Variants in ERBB4 observed in about 807,000 individuals in gnomAD.
ERBB4 encodes the protein receptor tyrosine-protein kinase erbB-4.
A neutral mutation model predicts 158.0 loss-of-function variants in ERBB4; 42 were observed. That is an observed-to-expected ratio of 0.27 (90% confidence interval 0.21 to 0.34). The LOEUF (loss-of-function observed/expected upper bound fraction) is 0.34, where lower values mean the gene tolerates loss of function less well. Ranked by LOEUF, ERBB4 falls within the 10% of genes least tolerant of loss-of-function variation. ERBB4 has a pLI of 1.00. For missense variants in ERBB4, 1,333 were observed against 1,624.1 expected (o/e 0.82, Z 3.08); for synonymous variants, 583 against 558.7 (o/e 1.04, Z -0.61).
chr2:211,940,982 G>A (rs1257774446), intron 3 of ERBB4, among the ~76,000 whole-genome samples: 1 of 151,944 alleles, frequency 6.6e-6, no homozygotes, highest in African/African-American at 2.4e-5. Flanking sequence ...TCCTCTTTTC[G>A]AATATATGTT....
At chr2:212,051,380 A>T (rs2077394456) in intron 2 of ERBB4, among the ~76,000 whole-genome samples, 1 of 152,136 alleles carries the variant, frequency 6.6e-6, no homozygotes, top group African/African-American at 2.4e-5. Context: ...GGAAATTGTT[A>T]TCATTTGAGA....
chr2:211,938,676 T>C (rs2080398194), intron 3 of ERBB4, among the ~76,000 whole-genome samples: 2 of 151,988 alleles, frequency 1.3e-5, no homozygotes, highest in African/African-American at 4.8e-5. Context: ...TGCTTGACTA[T>C]AAAAATAATA....
intron 1 of ERBB4, among the ~76,000 whole-genome samples, chr2:212,298,909 T>C (rs572358137): frequency 1.3e-5 from 2 of 151,808 alleles, no homozygotes; most frequent in African/African-American, 4.8e-5. Context: ...GTCATTTTCT[T>C]CATCTGGAAA....
intron 25 of ERBB4, among the ~76,000 whole-genome samples, chr2:211,409,580 T>A (rs1416511522): frequency 6.6e-6 from 1 of 152,204 alleles, no homozygotes; most frequent in African/African-American, 2.4e-5. Flanking sequence ...TAACTCTTGA[T>A]TACAGGGAGT....
chr2:211,844,522 C>G (rs2077547492), intron 3 of ERBB4, among the ~76,000 whole-genome samples: 2 of 152,124 alleles, frequency 1.3e-5, no homozygotes, highest in Admixed American at 1.3e-4. Context: ...TGATTGCTAA[C>G]CTAGTGGTCT....
chr2:212,280,836 G>T (rs2085730188), intron 1 of ERBB4, among the ~76,000 whole-genome samples: 1 of 151,630 alleles, frequency 6.6e-6, no homozygotes, highest in African/African-American at 2.4e-5. Flanking sequence ...GGACCCTAGA[G>T]ATGTTCTCAC....
intron 3 of ERBB4, among the ~76,000 whole-genome samples, chr2:211,876,041 A>C (rs1224771671): frequency 2.6e-5 from 4 of 152,190 alleles, no homozygotes; most frequent in Non-Finnish European, 2.9e-5. Context: ...CCATTAAGCA[A>C]CACATGACTG....
At chr2:212,526,087 T>C (rs1038682890) in intron 1 of ERBB4, among the ~76,000 whole-genome samples, 1 of 152,050 alleles carries the variant, frequency 6.6e-6, no homozygotes, top group Non-Finnish European at 1.5e-5. Flanking sequence ...GTAAGAAATA[T>C]GTTACTTATA....
intron 20 of ERBB4, among the ~76,000 whole-genome samples, chr2:211,557,029 T>A (rs2067253483): frequency 2.0e-5 from 3 of 152,282 alleles, no homozygotes; most frequent in African/African-American, 7.2e-5. Context: ...TCCTATTTAA[T>A]AAATGGGGCT....
At chr2:212,513,025 A>T (rs1291841985) in intron 1 of ERBB4, among the ~76,000 whole-genome samples, 1 of 152,112 alleles carries the variant, frequency 6.6e-6, no homozygotes, top group Non-Finnish European at 1.5e-5. Context: ...CTCTTCATCT[A>T]ATTCTTATCA....
chr2:211,934,129 G>T (rs896501147), intron 3 of ERBB4, among the ~76,000 whole-genome samples: 7 of 151,834 alleles, frequency 4.6e-5, no homozygotes, highest in Non-Finnish European at 8.8e-5. Flanking sequence ...AAAGGGAATT[G>T]AGTCTAATAA....
chr2:212,132,910 G>A (rs553794800), intron 1 of ERBB4, among the ~76,000 whole-genome samples: 3 of 152,042 alleles, frequency 2.0e-5, no homozygotes, highest in South Asian at 2.1e-4. Context: ...CCTTGTTAAC[G>A]TGGCACACAT....
rs1395110530 is a variant in ERBB4 at position 211,378,569 on chromosome 2, C to A, written c.*5046G>T. Reference sequence around the variant, plus strand: ...GCCCACAACAGCTTCTTGTTTCCAACTGCAGAGAGAACTCAGATCTCTGGG... The same window carrying A: ...GCCCACAACAGCTTCTTGTTTCCAAATGCAGAGAGAACTCAGATCTCTGGG... On this transcript the variant is annotated 3_prime_UTR_variant, in exon 28 of 28. Coordinates refer to ENST00000342788, the MANE Select transcript of ERBB4 (RefSeq NM_005235.3). 8.6e-6 allele frequency: 2 copies of A among 232,742 alleles called. No individual in the cohort carries two copies. Among genetic ancestry groups the A allele is most frequent in the Non-Finnish European group, 1.7e-5 (2 of 117,456 alleles). The allele number at this position is 232,742 out of a possible 1,614,324, so 14.4% of individuals were successfully genotyped here.
chr2:212,174,360 T>C (rs2081600849), intron 1 of ERBB4, among the ~76,000 whole-genome samples: 1 of 152,108 alleles, frequency 6.6e-6, no homozygotes, highest in African/African-American at 2.4e-5. Flanking sequence ...AAATTCCTCT[T>C]ACAATCAACA....
At chr2:211,696,085 T>A (rs1327361001) in intron 12 of ERBB4, among the ~76,000 whole-genome samples, 6 of 125,818 alleles carry the variant, frequency 4.8e-5, no homozygotes, top group African/African-American at 1.2e-4. Context: ...TTCCTTCCTT[T>A]CTTCCTCTCT....
intron 12 of ERBB4, among the ~76,000 whole-genome samples, chr2:211,691,711 T>A (rs1024123140): frequency 1.3e-5 from 2 of 151,516 alleles, no homozygotes; most frequent in Admixed American, 1.3e-4. Flanking sequence ...AAAGCTGAAA[T>A]AAGAAGGGTA....
intron 1 of ERBB4, among the ~76,000 whole-genome samples, chr2:212,189,316 G>A (rs921679564): frequency 3.9e-5 from 6 of 152,024 alleles, no homozygotes; most frequent in African/African-American, 1.4e-4. Context: ...GAGTGAATGA[G>A]GGTTCTCTTT....
intron 14 of ERBB4, among the ~76,000 whole-genome samples, 169 bp downstream of exon 14, chr2:211,672,995 C>T (rs1364803143): frequency 6.6e-6 from 1 of 152,108 alleles, no homozygotes; most frequent in African/African-American, 2.4e-5. Context: ...GACTTTTTAA[C>T]TATTTTATCT....
At chr2:212,072,940 AAACAACAACAAC>A (rs143177646) in intron 2 of ERBB4, among the ~76,000 whole-genome samples, 1 of 151,650 alleles carries the variant, frequency 6.6e-6, no homozygotes, top group Non-Finnish European at 1.5e-5. Flanking sequence ...AGCACACATC[AAACAACAACAAC>A]AACAACAACA....
Sources: allele counts gnomAD v4.1 joint callset (sites outside exome capture counted in the v4.1 genomes callset), GRCh38; gene constraint gnomAD v4.1.1; transcripts MANE v1.5; gene names NCBI Gene and HGNC (gene_info 2026-07-23, HGNC 2026-07-21).